The following FHL5 variants were observed in gnomAD, a reference collection of about 807,000 sequenced individuals.
FHL5 encodes the protein four and a half LIM domains 5.
A neutral mutation model predicts 32.0 loss-of-function variants in FHL5; 33 were observed. The observed-to-expected ratio is 1.03, with a 90% CI of 0.78 to 1.38. The LOEUF (loss-of-function observed/expected upper bound fraction) is 1.38. FHL5 is among the 40% of genes most tolerant of loss of function. The pLI, the probability that FHL5 is intolerant of heterozygous loss-of-function variation, is 0.00. For missense variants in FHL5, 336 were observed against 343.9 expected, an observed-to-expected ratio of 0.98 and a Z score of 0.18; for synonymous variants, 114 against 113.6, an observed-to-expected ratio of 1.00 and a Z score of -0.02.
chr6:96,613,786 G>A (rs991075223), intron 5 of FHL5, among the ~76,000 whole-genome samples: 4 of 152,294 alleles, frequency 2.6e-5, no homozygotes, highest in East Asian at 1.9e-4. Flanking sequence ...TGGGGCAAGC[G>A]GTTAAACTTC....
intron 1 of FHL5, among the ~76,000 whole-genome samples, chr6:96,579,970 A>G (rs1770665711): frequency 6.6e-6 from 1 of 152,236 alleles, no homozygotes; most frequent in Non-Finnish European, 1.5e-5. Context: ...AAAAAGGTTT[A>G]AAGAGACATC....
intron 1 of FHL5, among the ~76,000 whole-genome samples, chr6:96,594,254 TA>T (rs67338226): frequency 0.072 from 9,843 of 136,158 alleles, 697 homozygotes; most frequent in Non-Finnish European, 0.099. Context: ...TATATATATA[TA>T]TATATATATA....
intron 4 of FHL5, among the ~76,000 whole-genome samples, chr6:96,609,173 C>A (rs1771345215): frequency 6.6e-6 from 1 of 151,950 alleles, no homozygotes; most frequent in Admixed American, 6.6e-5. Context: ...ATTAAAAATA[C>A]CTTTAGAATA....
intron 1 of FHL5, among the ~76,000 whole-genome samples, chr6:96,581,060 G>A (rs1169150815): frequency 6.6e-6 from 1 of 152,122 alleles, no homozygotes; most frequent in Non-Finnish European, 1.5e-5. Context: ...ATTTTAGGGA[G>A]TATAAATTTT....
intron 4 of FHL5, among the ~76,000 whole-genome samples, chr6:96,607,819 T>TAA (rs1204699307): frequency 5.2e-4 from 70 of 134,654 alleles, no homozygotes; most frequent in African/African-American, 1.7e-3. Context: ...CCTGTCTGTA[T>TAA]AAAAAAAAAA....
chr6:96,599,229 C>A (rs1446851649), intron 1 of FHL5, among the ~76,000 whole-genome samples: 1 of 129,514 alleles, frequency 7.7e-6, no homozygotes, highest in Non-Finnish European at 1.6e-5. Context: ...GAGTCTCACT[C>A]TTGTTCCCCA....
At chr6:96,565,568 C>T (rs1468398620) in intron 1 of FHL5, among the ~76,000 whole-genome samples, 1 of 152,088 alleles carries the variant, frequency 6.6e-6, no homozygotes, top group Non-Finnish European at 1.5e-5. Context: ...TTTGCATATT[C>T]ATTTTGCCAA....
At chr6:96,609,676 A>G (rs2127974702) in intron 4 of FHL5, among the ~76,000 whole-genome samples, 1 of 152,320 alleles carries the variant, frequency 6.6e-6, no homozygotes, top group Non-Finnish European at 1.5e-5. Flanking sequence ...ATTGCTTTCC[A>G]ACTATTTTTT....
chr6:96,570,392 T>C (rs938237702), intron 1 of FHL5, among the ~76,000 whole-genome samples: 2 of 152,262 alleles, frequency 1.3e-5, no homozygotes, highest in Non-Finnish European at 2.9e-5. Context: ...TCTCTTGCTG[T>C]TTTTAGAACT....
chr6:96,601,500 T>C (rs554692745), intron 1 of FHL5, among the ~76,000 whole-genome samples: 10 of 152,372 alleles, frequency 6.6e-5, no homozygotes, highest in African/African-American at 2.4e-4. Flanking sequence ...TATTTTGATG[T>C]TGTCATGTTT....
intron 1 of FHL5, among the ~76,000 whole-genome samples, chr6:96,579,537 T>G (rs1770655267): frequency 6.6e-6 from 1 of 152,150 alleles, no homozygotes; most frequent in Non-Finnish European, 1.5e-5. Context: ...GTACCATGTA[T>G]GGATATAATT....
At chr6:96,603,261 T>A (rs1582476610) in intron 1 of FHL5, among the ~76,000 whole-genome samples, 1 of 152,186 alleles carries the variant, frequency 6.6e-6, no homozygotes, top group Non-Finnish European at 1.5e-5. Flanking sequence ...ACAGTTTATA[T>A]CCTTGAGGTA....
chr6:96,585,086 T>A (rs1239219497), intron 1 of FHL5, among the ~76,000 whole-genome samples: 1 of 152,136 alleles, frequency 6.6e-6, no homozygotes, highest in African/African-American at 2.4e-5. Flanking sequence ...ATGATTCAAA[T>A]TAAAACCCTG....
intron 5 of FHL5, among the ~76,000 whole-genome samples, chr6:96,611,543 C>G (rs1409026720): frequency 6.6e-6 from 1 of 152,190 alleles, no homozygotes; most frequent in East Asian, 1.9e-4. Flanking sequence ...GCTATTCTTT[C>G]TGGCAATTTA....
chr6:96,595,825 T>C (rs1304224381), intron 1 of FHL5, among the ~76,000 whole-genome samples: 3 of 152,056 alleles, frequency 2.0e-5, no homozygotes, highest in South Asian at 2.1e-4. Flanking sequence ...TATATAATGC[T>C]CTCTGTTATG....
chr6:96,590,679 C>T (rs1161957306), intron 1 of FHL5, among the ~76,000 whole-genome samples: 1 of 151,976 alleles, frequency 6.6e-6, no homozygotes, highest in East Asian at 1.9e-4. Flanking sequence ...TATTTATAAT[C>T]CGAGTAAAAG....
intron 4 of FHL5, among the ~76,000 whole-genome samples, chr6:96,607,851 G>A (rs1726315810): frequency 1.3e-5 from 2 of 151,880 alleles, no homozygotes; most frequent in Admixed American, 1.3e-4. Context: ...AATTAGCCAA[G>A]TATGGTGACA....
chr6:96,591,732 G>A (rs954429424), intron 1 of FHL5, among the ~76,000 whole-genome samples: 9 of 151,970 alleles, frequency 5.9e-5, no homozygotes, highest in African/African-American at 2.4e-5. Context: ...ATATCGGGGG[G>A]AAATTCACCC....
rs551166685 is a variant in FHL5 at position 96,610,832 on chromosome 6, G to C, written c.691+74G>C. 164 of 1,111,228 alleles carry C rather than the reference G, an allele frequency of 1.5e-4. No homozygotes were observed. In the South Asian group the frequency reaches 1.9e-3, roughly 13 times the overall value. The allele number at this position is 1,111,228 out of a possible 1,614,324, so 68.8% of individuals were successfully genotyped here. A position where few individuals can be genotyped will look rare whatever the true frequency, so the allele number is the denominator to read the frequency against. On this transcript the variant is annotated intron_variant, in intron 5 of 5. Coordinates refer to ENST00000450218, the MANE Select transcript of FHL5 (RefSeq NM_001322466.2). ...TATGAAACACTATCTAGTTAATTTA[G>C]GAAAAGCAATTAAAAAATGGGAAGC...
Sources: allele counts gnomAD v4.1 joint callset (sites outside exome capture counted in the v4.1 genomes callset), GRCh38; gene constraint gnomAD v4.1.1; transcripts MANE v1.5; gene names NCBI Gene and HGNC (gene_info 2026-07-23, HGNC 2026-07-21).